Variants in ST7 observed in about 807,000 individuals in gnomAD.
ST7 encodes suppression of tumorigenicity 7, also known as suppressor of tumorigenicity 7 protein.
Under a neutral mutation model 78.7 loss-of-function variants are expected in ST7, and 28 were observed. That is an observed-to-expected ratio of 0.36 (90% CI 0.26 to 0.49). ST7 has a LOEUF of 0.49. ST7 is among the 20% of genes least tolerant of loss of function. The probability of loss-of-function intolerance (pLI) is 0.99; values close to 1 mark genes in which losing one functional copy is unlikely to be tolerated. For synonymous variants in ST7, 247 were observed against 249.6 expected, an observed-to-expected ratio of 0.99 and a Z score of 0.10; for missense variants, 418 against 696.0, an observed-to-expected ratio of 0.60 and a Z score of 4.49.
intron 1 of ST7, chr7:116,956,426 T>C (rs1026485273): frequency 2.1e-6 from 1 of 469,304 alleles, no homozygotes; most frequent in East Asian, 6.9e-5. Context: ...TCTTCAGCCC[T>C]GTGGTGCTTA....
chr7:117,099,649 T>G lies in ST7; in HGVS notation c.152-113T>G. ...GGGATCTTACTATGGTTCTAAGAAT[T>G]ATCATCATCAGAAATAAATGATTTT... On this transcript the variant is annotated intron_variant, in intron 1 of 15. Transcript: ENST00000323984. The G allele has an allele frequency of 1.9e-5, 14 of 720,550 alleles. No individual in the cohort carries two copies. The South Asian group carries it at 2.7e-4, about 14-fold the overall frequency. The allele number at this position is 720,550 out of a possible 1,614,324, so 44.6% of individuals were successfully genotyped here. A position where few individuals can be genotyped will look rare whatever the true frequency, so the allele number is the denominator to read the frequency against.
chr7:117,092,820 T>C (rs1314297477), intron 1 of ST7, among the ~76,000 whole-genome samples: 1 of 152,190 alleles, frequency 6.6e-6, no homozygotes, highest in Non-Finnish European at 1.5e-5. Context: ...TTGCATGAAA[T>C]TGACAATTTC....
chr7:117,214,789 T>C lies in ST7; in HGVS notation c.1406-4295T>C, dbSNP rs561220110. Reference sequence around the variant, plus strand: ...AAAGGAATATTCTGTCTCTTCTTGATTGTGCGTTTATTCATTCATTACTTT... The same window carrying C: ...AAAGGAATATTCTGTCTCTTCTTGACTGTGCGTTTATTCATTCATTACTTT... On this transcript the variant is annotated intron_variant, in intron 13 of 15. Transcript: ENST00000323984. Among the ~76,000 whole-genome samples, 11 of 152,222 alleles carry C rather than the reference T, an allele frequency of 7.2e-5. 1 individual carries two copies. The highest frequency in any genetic ancestry group is 2.6e-4 in the African/African-American group (11 of 41,552).
At chr7:117,062,896 C>T (rs957787125) in intron 1 of ST7, among the ~76,000 whole-genome samples, 2 of 152,130 alleles carry the variant, frequency 1.3e-5, no homozygotes, top group African/African-American at 4.8e-5. Flanking sequence ...TTATTAGTGC[C>T]TTAATCCCCC....
chr7:117,081,295 TTAATCTTTA>T (rs1799754553), intron 1 of ST7, among the ~76,000 whole-genome samples: 1 of 152,180 alleles, frequency 6.6e-6, no homozygotes, highest in South Asian at 2.1e-4. Flanking sequence ...CTCATTCTTA[TTAATCTTTA>T]TTAAGGCCAG....
rs1439256476 is a variant in ST7, at chr7:117,230,147, G to A, written c.*290G>A. 1.9e-6 allele frequency: 1 copy of A among 523,242 alleles called. No individual in the cohort carries two copies. The highest frequency in any genetic ancestry group is 3.5e-6 in the Non-Finnish European group (1 of 283,888). The allele number at this position is 523,242 out of a possible 1,614,324, so 32.4% of individuals were successfully genotyped here. A position where few individuals can be genotyped will look rare whatever the true frequency, so the allele number is the denominator to read the frequency against. ...GTCTTCCAACCCTAAAATTGTTGAT[G>A]TCCCAAATAAACCTTTGGATTTACC... On this transcript the variant is annotated 3_prime_UTR_variant, in exon 16 of 16. Coordinates refer to ENST00000323984, the MANE Select transcript of ST7 (RefSeq NM_001369598.1).
intron 3 of ST7, among the ~76,000 whole-genome samples, chr7:117,125,466 A>G (rs2116983416): frequency 6.6e-6 from 1 of 152,254 alleles, no homozygotes; most frequent in African/African-American, 2.4e-5. Context: ...TTGAATTGAA[A>G]GCTACCTACA....
At chr7:117,055,201 AT>A (rs1193684207) in intron 1 of ST7, among the ~76,000 whole-genome samples, 1 of 151,502 alleles carries the variant, frequency 6.6e-6, no homozygotes, top group African/African-American at 2.4e-5. Context: ...CTGCTCCTTA[AT>A]TTTTTTATTT....
At chr7:117,097,240 A>C (rs1212369461) in intron 1 of ST7, among the ~76,000 whole-genome samples, 1 of 152,002 alleles carries the variant, frequency 6.6e-6, no homozygotes, top group Non-Finnish European at 1.5e-5. Flanking sequence ...AATGGTGTTC[A>C]GTTTGTTTGC....
intron 1 of ST7, among the ~76,000 whole-genome samples, chr7:117,075,781 G>A (rs890829480): frequency 1.3e-5 from 2 of 152,176 alleles, no homozygotes; most frequent in African/African-American, 2.4e-5. Context: ...AGAATTTCAA[G>A]ATATCTCATT....
chr7:117,011,720 A>G (rs1243485988), intron 1 of ST7, among the ~76,000 whole-genome samples: 2 of 152,180 alleles, frequency 1.3e-5, no homozygotes, highest in Non-Finnish European at 2.9e-5. Context: ...TGTGGTTAGG[A>G]TAGTGGTCCC....
intron 9 of ST7, among the ~76,000 whole-genome samples, chr7:117,169,894 C>G (rs1453456091): frequency 1.3e-5 from 2 of 151,018 alleles, no homozygotes; most frequent in Admixed American, 1.3e-4. Flanking sequence ...TCCCTGCCAC[C>G]TATTCTCTTA....
chr7:117,160,267 A>G (rs1427063673), intron 9 of ST7, among the ~76,000 whole-genome samples: 2 of 151,540 alleles, frequency 1.3e-5, no homozygotes, highest in South Asian at 2.1e-4. Flanking sequence ...AAGAAAACAA[A>G]ACTATTCACA....
At chr7:117,052,298 A>G (rs911451726) in intron 1 of ST7, among the ~76,000 whole-genome samples, 1 of 152,202 alleles carries the variant, frequency 6.6e-6, no homozygotes, top group Non-Finnish European at 1.5e-5. Flanking sequence ...GACCTGTTGT[A>G]CTAGCGCCTG....
chr7:117,075,412 C>T (rs967141515), intron 1 of ST7, among the ~76,000 whole-genome samples: 3 of 152,036 alleles, frequency 2.0e-5, no homozygotes, highest in Non-Finnish European at 4.4e-5. Flanking sequence ...GGAGGTAGAG[C>T]GAGATAATGT....
intron 1 of ST7, among the ~76,000 whole-genome samples, chr7:116,986,903 C>T (rs1241720476): frequency 2.6e-5 from 4 of 152,236 alleles, no homozygotes; most frequent in East Asian, 1.9e-4. Context: ...GAAGAAGAAC[C>T]GGCAAAGGAG....
intron 1 of ST7, among the ~76,000 whole-genome samples, chr7:117,090,394 C>T (rs374990623): frequency 1.3e-5 from 2 of 152,188 alleles, no homozygotes; most frequent in East Asian, 3.9e-4. Flanking sequence ...TAGAACTCTG[C>T]CCCTTGTAGT....
chr7:117,043,464 T>C (rs1797334653), intron 1 of ST7, among the ~76,000 whole-genome samples: 2 of 152,208 alleles, frequency 1.3e-5, no homozygotes, highest in Admixed American at 1.3e-4. Context: ...TTGAGCCAAA[T>C]TAAATTTTCA....
At chr7:117,154,848 T>C (rs1162506673) in intron 9 of ST7, among the ~76,000 whole-genome samples, 1 of 152,000 alleles carries the variant, frequency 6.6e-6, no homozygotes, top group Non-Finnish European at 1.5e-5. Flanking sequence ...AGTCAGGAAC[T>C]TGAGGAATTG....
Sources: gnomAD v4.1 joint callset for allele counts (sites outside exome capture counted in the v4.1 genomes callset) on GRCh38, gnomAD v4.1.1 for gene constraint, MANE v1.5 for transcripts, NCBI Gene and HGNC (gene_info 2026-07-23, HGNC 2026-07-21) for gene names.